The following PKHD1 variants were observed in gnomAD, a reference collection of about 807,000 sequenced individuals.
The protein encoded by PKHD1 is PKHD1 ciliary IPT domain containing fibrocystin/polyductin.
PKHD1 carries 291 observed loss-of-function variants against 412.0 expected under a neutral mutation model. The observed-to-expected ratio is 0.71, with a 90% confidence interval of 0.64 to 0.78. The LOEUF (loss-of-function observed/expected upper bound fraction) is 0.78, where lower values mean the gene tolerates loss of function less well. Ranked by LOEUF, PKHD1 falls within the 30% of genes least tolerant of loss-of-function variation. PKHD1 has a pLI of 0.00. For missense variants in PKHD1, 4,825 were observed against 4,950.7 expected, an observed-to-expected ratio of 0.97 and a Z score of 0.76; for synonymous variants, 1,777 against 1,821.5, an observed-to-expected ratio of 0.98 and a Z score of 0.62.
At chr6:51,747,738 T>C in intron 58 of PKHD1, 49 bp downstream of exon 58, 1 of 1,521,186 alleles carries the variant, frequency 6.6e-7, no homozygotes, top group Non-Finnish European at 9.1e-7. Flanking sequence ...AAAAATTTTA[T>C]GCATGGATGT....
intron 26 of PKHD1, 118 bp downstream of exon 26, chr6:52,043,507 C>T (rs1805269850): frequency 2.6e-6 from 2 of 762,136 alleles, no homozygotes; most frequent in Non-Finnish European, 4.6e-6. Context: ...CGTCACTCAA[C>T]CTCTGCCTAA....
At chr6:51,698,021 T>G (rs2150682092) in intron 60 of PKHD1, among the ~76,000 whole-genome samples, 1 of 152,340 alleles carries the variant, frequency 6.6e-6, no homozygotes, top group African/African-American at 2.4e-5. Flanking sequence ...CATCCCTTTC[T>G]TAACGAATCA....
intron 18 of PKHD1, among the ~76,000 whole-genome samples, chr6:52,056,121 G>C (rs140517182): frequency 1.0e-3 from 154 of 152,286 alleles, no homozygotes; most frequent in African/African-American, 3.6e-3. Flanking sequence ...TGGCTTGAAA[G>C]CTCCAGCTAT....
chr6:51,696,504 C>T (rs949895932), intron 60 of PKHD1, among the ~76,000 whole-genome samples: 3 of 152,214 alleles, frequency 2.0e-5, no homozygotes, highest in African/African-American at 7.2e-5. Context: ...TCAACCCCTT[C>T]TGTGCAACCT....
In PKHD1 at chr6:52,043,705, G is replaced by C. The variant is rs771292698; in HGVS notation, c.2741C>G (p.Pro914Arg). ...TQVVVRVNDV[P>R]AHCPGSCSFQ... The stretch of plus-strand genomic sequence containing the variant: ...AGAGCAGGAACCTGGGCAATGAGCT[G>C]GTACATCATTCACTCGCACAACCAC... Residue 914 changes from proline (P) to arginine (R), a missense_variant, in exon 26 of 67, where the codon CCA becomes CGA. By Grantham distance (103) the Pro-to-Arg change is moderately radical (BLOSUM62 -2). Coordinates refer to ENST00000371117, the MANE Select transcript of PKHD1 (RefSeq NM_138694.4). 5 of 1,613,308 alleles carry C rather than the reference G, an allele frequency of 3.1e-6. 1 individual carries two copies. Among genetic ancestry groups the C allele is most frequent in the Admixed American group, 1.7e-5 (1 of 59,972 alleles).
rs147027083 is a variant in PKHD1, at chr6:52,082,212, G to A, written c.281+180C>T. On this transcript the variant is annotated intron_variant, in intron 4 of 66. Transcript: ENST00000371117. ...GTTCTTCCCCATACTCTCATCCTCC[G>A]TTAAGTTCTAGACCCCAGATAGGGA... Among the ~76,000 whole-genome samples, 387 of 152,070 alleles carry A rather than the reference G, an allele frequency of 2.5e-3. 2 individuals are homozygous for A. The highest frequency in any genetic ancestry group is 8.9e-3 in the African/African-American group (369 of 41,480).
intron 36 of PKHD1, among the ~76,000 whole-genome samples, chr6:51,956,011 T>C (rs1791072936): frequency 6.6e-6 from 1 of 152,034 alleles, no homozygotes; most frequent in Non-Finnish European, 1.5e-5. Context: ...TTTGAAGAGC[T>C]CTTTATTATC....
chr6:51,862,544 T>C (rs936540856), intron 48 of PKHD1, among the ~76,000 whole-genome samples: 2 of 152,200 alleles, frequency 1.3e-5, no homozygotes, highest in African/African-American at 2.4e-5. Flanking sequence ...CAAGCGATTA[T>C]TAGAGGAAAA....
In PKHD1 at chr6:51,627,099, T is replaced by C. The variant is rs1209109629; in HGVS notation, c.11683A>G (p.Ile3895Val). Reference protein sequence around the residue: ...SKSRKTKPEEIPESQTNNQNI... With the variant: ...SKSRKTKPEEVPESQTNNQNI... ...TGATTATTAGTCTGGGATTCAGGAA[T>C]CTCTTCAGGTTTTGTTTCTGTATTA... is the stretch of plus-strand genomic sequence containing the variant. Residue 3895 changes from isoleucine to valine, a missense_variant, in exon 66 of 67, where the codon ATT becomes GTT. Ile to Val is a conservative substitution (Grantham distance 29, BLOSUM62 3). Coordinates refer to ENST00000371117, the MANE Select transcript of PKHD1 (RefSeq NM_138694.4). 1.6e-5 allele frequency: 26 copies of C among 1,611,710 alleles called. No individual in the cohort carries two copies. The highest frequency in any genetic ancestry group is 2.0e-5 in the Non-Finnish European group (24 of 1,178,058).
chr6:51,963,646 G>A (rs1254495364), intron 35 of PKHD1, among the ~76,000 whole-genome samples: 1 of 151,900 alleles, frequency 6.6e-6, no homozygotes, highest in Non-Finnish European at 1.5e-5. Flanking sequence ...CCCTCCCAGG[G>A]AAATGCTCCA....
chr6:51,746,666 A>C (rs1785227731), intron 59 of PKHD1, 55 bp downstream of exon 59: 26 of 1,100,434 alleles, frequency 2.4e-5, no homozygotes, highest in Non-Finnish European at 3.5e-5. Context: ...TTAGGGTTTG[A>C]AGAATTGCCA....
At chr6:51,627,407 A>C (rs902852915) in intron 65 of PKHD1, among the ~76,000 whole-genome samples, 1 of 150,992 alleles carries the variant, frequency 6.6e-6, no homozygotes, top group Non-Finnish European at 1.5e-5. Context: ...TAATGTACAC[A>C]CTCAATTTTG....
In PKHD1 at chr6:52,065,007, CTCAA is replaced by C; in HGVS notation, c.920_923del (p.Ile307SerfsTer11). On this transcript the variant is annotated frameshift_variant, in exon 13 of 67. Coordinates refer to ENST00000371117, the MANE Select transcript of PKHD1 (RefSeq NM_138694.4). LOFTEE classifies it high-confidence loss of function. Reference sequence around the variant, plus strand: ...CTTTTCCTGGAGCCCGAGTGGTGCACTCAATCTTCCTGGGAGACACGTGTCTAAT... The same window carrying C: ...CTTTTCCTGGAGCCCGAGTGGTGCACTCTTCCTGGGAGACACGTGTCTAAT... 1 of 1,602,632 alleles carries C rather than the reference CTCAA, an allele frequency of 6.2e-7. No homozygotes were observed. The highest frequency in any genetic ancestry group is 8.5e-7 in the Non-Finnish European group (1 of 1,175,448).
intron 53 of PKHD1, among the ~76,000 whole-genome samples, chr6:51,786,772 GT>G (rs1319429348): frequency 3.3e-5 from 5 of 152,150 alleles, no homozygotes; most frequent in Admixed American, 1.3e-4. Flanking sequence ...CATGATTTCT[GT>G]TTCTATATGC....
chr6:52,005,846 T>A (rs1327716346), intron 35 of PKHD1, among the ~76,000 whole-genome samples: 1 of 151,720 alleles, frequency 6.6e-6, no homozygotes, highest in East Asian at 1.9e-4. Flanking sequence ...TAACTTTTTT[T>A]TTTAATTTGT....
intron 59 of PKHD1, among the ~76,000 whole-genome samples, 179 bp from the exon 60 acceptor site, chr6:51,744,721 C>G (rs1784979771): frequency 6.6e-6 from 1 of 152,058 alleles, no homozygotes; most frequent in African/African-American, 2.4e-5. Flanking sequence ...ATTATATGGT[C>G]AAGAAGAAAG....
At chr6:52,020,861 C>T (rs544477586) in intron 33 of PKHD1, among the ~76,000 whole-genome samples, 1 of 152,170 alleles carries the variant, frequency 6.6e-6, no homozygotes, top group South Asian at 2.1e-4. Flanking sequence ...CTAGTAATGT[C>T]TAAGACCTAT....
intron 35 of PKHD1, among the ~76,000 whole-genome samples, chr6:51,987,694 T>C (rs997916753): frequency 3.9e-5 from 6 of 152,044 alleles, no homozygotes; most frequent in African/African-American, 9.7e-5. Flanking sequence ...CCCAATCAGT[T>C]TTGTCCTCTC....
At chr6:51,976,925 G>GT (rs1268129569) in intron 35 of PKHD1, among the ~76,000 whole-genome samples, 6 of 120,836 alleles carry the variant, frequency 5.0e-5, no homozygotes, top group Non-Finnish European at 9.5e-5. Flanking sequence ...TCCAGCCTGG[G>GT]TGATAGAGTG....
Sources: allele counts gnomAD v4.1 joint callset (sites outside exome capture counted in the v4.1 genomes callset), GRCh38; gene constraint gnomAD v4.1.1; transcripts MANE v1.5; gene names NCBI Gene and HGNC (gene_info 2026-07-23, HGNC 2026-07-21).